LRRC74B: variants seen among roughly 807,000 people sequenced by gnomAD.
LRRC74B encodes the protein leucine-rich repeat-containing protein 74B.
Under a neutral mutation model 16.6 loss-of-function variants are expected in LRRC74B, and 30 were observed. The ratio of observed to expected loss-of-function variants is 1.80; its 90% CI spans 1.35 to 2.45. LRRC74B has a LOEUF of 2.45. Ranked by LOEUF, LRRC74B falls within the 30% of genes most tolerant of loss-of-function variation. The pLI is 0.00. For synonymous variants in LRRC74B, 134 were observed against 86.0 expected (o/e 1.56, Z -3.09); for missense variants, 326 against 202.4 (o/e 1.61, Z -3.71).
rs560156510 is a variant in LRRC74B at position 21,048,936 on chromosome 22, G to A, written c.416-15G>A. 7.7e-5 allele frequency: 55 copies of A among 715,242 alleles called. No individual in the cohort carries two copies. The highest frequency in any genetic ancestry group is 3.2e-4 in the East Asian group (12 of 37,262). The allele number at this position is 715,242 out of a possible 1,614,324, so 44.3% of individuals were successfully genotyped here. A position where few individuals can be genotyped will look rare whatever the true frequency, so the allele number is the denominator to read the frequency against. ...CTTTGCATCCCACTGGCCGAGGAGT[G>A]GTTCTGTCCCCCAGATGTGGACCTG... On this transcript the variant is annotated splice_polypyrimidine_tract_variant and intron_variant, in intron 3 of 8. Transcript: ENST00000442047.
intron 5 of LRRC74B, 108 bp downstream of exon 5, chr22:21,052,466 T>C: frequency 1.5e-6 from 1 of 673,288 alleles, no homozygotes; most frequent in Non-Finnish European, 2.7e-6. Context: ...TTGGATCTTT[T>C]AAGCACAGCT....
chr22:21,059,309 A>G (rs1930698062), intron 8 of LRRC74B, among the ~76,000 whole-genome samples: 1 of 152,234 alleles, frequency 6.6e-6, no homozygotes, highest in Non-Finnish European at 1.5e-5. Flanking sequence ...AATCACCTCC[A>G]GGAGAACCCA....
chr22:21,052,579 A>T lies in LRRC74B; in HGVS notation c.732+221A>T, dbSNP rs1930158220. 2.0e-5 allele frequency among the ~76,000 whole-genome samples: 3 copies of T among 152,350 alleles called. 1 individual carries two copies. Among genetic ancestry groups the T allele is most frequent in the Admixed American group, 2.0e-4 (3 of 15,304 alleles). ...TACTTTCCTGAAGGGTCACTGTTGA[A>T]TATCTTGCACCTTCCCCAGACACCA... On this transcript the variant is annotated intron_variant, in intron 5 of 8. Coordinates refer to ENST00000442047, the Ensembl canonical transcript of LRRC74B.
exon 2 of LRRC74B, chr22:21,047,482 G>A (rs1046610923): frequency 1.4e-5 from 10 of 717,340 alleles, no homozygotes; most frequent in South Asian, 5.9e-5. Flanking sequence ...CTCCGGCACC[G>A]TGGCCTGGGG....
downstream of LRRC74B, chr22:21,062,968 C>G (rs1282730949): frequency 6.8e-6 from 1 of 147,628 alleles, no homozygotes; most frequent in African/African-American, 2.5e-5. Flanking sequence ...GAGTTTGAAG[C>G]TGCAGTGAGC....
intron 5 of LRRC74B, among the ~76,000 whole-genome samples, chr22:21,052,766 C>T (rs972420648): frequency 7.9e-5 from 12 of 152,132 alleles, no homozygotes; most frequent in African/African-American, 2.4e-4. Context: ...TCATAGGGCT[C>T]GGGAATGGGT....
intron 1 of LRRC74B, among the ~76,000 whole-genome samples, chr22:21,047,154 T>C (rs1024930219): frequency 6.6e-6 from 1 of 152,118 alleles, no homozygotes; most frequent in Non-Finnish European, 1.5e-5. Context: ...TTTCTTTTGA[T>C]AGCCGTATGA....
At chr22:21,046,226 C>CCCGCCTGCGGGGCGCCTCCAG in intron 1 of LRRC74B, 101 bp downstream of exon 1, 1 of 645,938 alleles carries the variant, frequency 1.5e-6, no homozygotes, top group Non-Finnish European at 2.8e-6. Flanking sequence ...AGGGAACGTA[C>CCCGCCTGCGGGGCGCCTCCAG]CCGCCTGCGG....
At chr22:21,052,129 A>G in intron 4 of LRRC74B, 120 bp from the exon 5 acceptor site, 1 of 668,506 alleles carries the variant, frequency 1.5e-6, no homozygotes, top group Non-Finnish European at 2.8e-6. Context: ...GCAGGCCCAC[A>G]TTAGTTTCAT....
intron 8 of LRRC74B, among the ~76,000 whole-genome samples, chr22:21,058,160 C>T (rs1317854621): frequency 6.6e-6 from 1 of 151,560 alleles, no homozygotes; most frequent in Non-Finnish European, 1.5e-5. Context: ...CTCGGCCTTC[C>T]AAGTGCTGGG....
chr22:21,048,047 G>A (rs1261505310), intron 3 of LRRC74B, 31 bp downstream of exon 3: 4 of 716,646 alleles, frequency 5.6e-6, no homozygotes, highest in African/African-American at 5.2e-5. Context: ...AGGTGGGCAG[G>A]CGTGTCCTCC....
At chr22:21,054,390 G>A (rs999767829) in intron 6 of LRRC74B, among the ~76,000 whole-genome samples, 3 of 152,242 alleles carry the variant, frequency 2.0e-5, no homozygotes, top group Non-Finnish European at 4.4e-5. Flanking sequence ...CCCTGTGTGA[G>A]GGGCTCCTCC....
downstream of LRRC74B, among the ~76,000 whole-genome samples, chr22:21,061,305 C>T (rs904283935): frequency 4.4e-4 from 66 of 149,954 alleles, no homozygotes; most frequent in African/African-American, 1.3e-3. Context: ...GCAACAAGAG[C>T]AAAACTCTGT....
At chr22:21,047,783 G>T in intron 2 of LRRC74B, 101 bp from the exon 3 acceptor site, 1 of 670,950 alleles carries the variant, frequency 1.5e-6, no homozygotes, top group South Asian at 1.6e-5. Context: ...ACTTAAAACA[G>T]GTGGGAAGGG....
At chr22:21,047,356 G>T in exon 2 of LRRC74B, 1 of 717,156 alleles carries the variant, frequency 1.4e-6, no homozygotes, top group South Asian at 1.5e-5. Context: ...CTCCTGCCAG[G>T]CACCGATGGG....
intron 6 of LRRC74B, among the ~76,000 whole-genome samples, 159 bp from the exon 7 acceptor site, chr22:21,054,939 C>T (rs1006221415): frequency 1.2e-4 from 18 of 152,312 alleles, no homozygotes; most frequent in African/African-American, 4.3e-4. Context: ...CCACCTTTTA[C>T]CTGTTGATCT....
intron 2 of LRRC74B, 128 bp downstream of exon 2, chr22:21,047,626 T>C (rs1330590974): frequency 1.6e-6 from 1 of 628,688 alleles, no homozygotes; most frequent in Non-Finnish European, 2.9e-6. Flanking sequence ...TGCCCTACCC[T>C]CCACATCTGG....
chr22:21,047,342 CT>C lies in LRRC74B; in HGVS notation c.140-13del, dbSNP rs1569193212. 20 of 716,486 alleles carry C rather than the reference CT, an allele frequency of 2.8e-5. No homozygotes were observed. The highest frequency in any genetic ancestry group is 2.4e-4 in the Admixed American group (12 of 49,948). 44.4% of individuals were successfully genotyped at this position (716,486 alleles called of 1,614,324 possible). On this transcript the variant is annotated splice_polypyrimidine_tract_variant and intron_variant, in intron 1 of 8. Transcript: ENST00000442047. ...CTGTGCAGGGTCCACATTCGTCCCCCTGTCTCCTGCCAGGCACCGATGGGCT... is the reference window on the plus strand; with the variant it reads ...CTGTGCAGGGTCCACATTCGTCCCCCGTCTCCTGCCAGGCACCGATGGGCT...
At position 21,048,090 on chromosome 22, in the gene LRRC74B, G is replaced by A. The variant is rs1317539925; in HGVS notation, c.415+74G>A. ...CAGGGATGTGCCTCCATCGTTGAAA[G>A]CTGGGCCGTGTCACCTGGGGCCTGC... is the stretch of plus-strand genomic sequence containing the variant. On this transcript the variant is annotated intron_variant, in intron 3 of 8. Coordinates refer to ENST00000442047, the Ensembl canonical transcript of LRRC74B. The A allele has an allele frequency of 4.2e-6, 3 of 707,384 alleles. No individual in the cohort carries two copies. The Admixed American group carries it at 6.0e-5, about 14-fold the overall frequency. The allele number at this position is 707,384 out of a possible 1,614,324, so 43.8% of individuals were successfully genotyped here. A position where few individuals can be genotyped will look rare whatever the true frequency, so the allele number is the denominator to read the frequency against.
Sources: allele counts gnomAD v4.1 joint callset (sites outside exome capture counted in the v4.1 genomes callset), GRCh38; gene constraint gnomAD v4.1.1; transcripts MANE v1.5; gene names NCBI Gene and HGNC (gene_info 2026-07-23, HGNC 2026-07-21).